The following ZNF804B variants were observed in gnomAD, a reference collection of about 807,000 sequenced individuals.
ZNF804B encodes zinc finger protein 804B.
In ZNF804B, 80 loss-of-function variants were observed where a neutral mutation model predicts 101.4. That is an observed-to-expected ratio of 0.79 (90% confidence interval 0.66 to 0.95). The LOEUF (loss-of-function observed/expected upper bound fraction) is 0.95, where lower values mean the gene tolerates loss of function less well. Among genes scored for constraint, ZNF804B ranks in the 40% least tolerant of loss-of-function variants. ZNF804B has a pLI of 0.00. For missense variants in ZNF804B, 1,673 were observed against 1,561.9 expected (o/e 1.07, Z -1.20); for synonymous variants, 622 against 558.8 (o/e 1.11, Z -1.59).
chr7:89,335,424 A>G lies in ZNF804B; in HGVS notation c.2442A>G (p.Gln814=). 2 of 1,613,880 alleles carry G rather than the reference A, an allele frequency of 1.2e-6. No homozygotes were observed. The highest frequency in any genetic ancestry group is 1.7e-6 in the Non-Finnish European group (2 of 1,179,932). Reference sequence around the variant, plus strand: ...AAAGACAAAAACTGGGCAAAAATCAACAACAATTTTCAGGGCTAAAATCTA... The same window carrying G: ...AAAGACAAAAACTGGGCAAAAATCAGCAACAATTTTCAGGGCTAAAATCTA... ...CRERQKLGKN[Q]QQFSGLKSTR... The change falls in exon 4 of 4, where the codon CAA becomes CAG. Residue 814 remains glutamine (Q), a synonymous_variant. Coordinates refer to ENST00000333190, the MANE Select transcript of ZNF804B (RefSeq NM_181646.5).
intron 1 of ZNF804B, among the ~76,000 whole-genome samples, chr7:89,118,920 A>G (rs1231838968): frequency 6.6e-6 from 1 of 152,204 alleles, no homozygotes; most frequent in Non-Finnish European, 1.5e-5. Context: ...GATGATGATG[A>G]CAAATCTGAC....
chr7:89,210,923 G>A (rs1301809679), intron 1 of ZNF804B, among the ~76,000 whole-genome samples: 3 of 152,210 alleles, frequency 2.0e-5, no homozygotes, highest in Non-Finnish European at 4.4e-5. Context: ...TTACTACACT[G>A]TTTTCCACAA....
intron 1 of ZNF804B, among the ~76,000 whole-genome samples, chr7:88,889,297 G>C (rs1468905517): frequency 6.6e-6 from 1 of 152,046 alleles, no homozygotes; most frequent in Admixed American, 6.6e-5. Flanking sequence ...TTTTGGGGGA[G>C]GGGTATATAT....
intron 1 of ZNF804B, among the ~76,000 whole-genome samples, chr7:89,060,211 G>A (rs1331694317): frequency 6.6e-6 from 1 of 152,056 alleles, no homozygotes; most frequent in Non-Finnish European, 1.5e-5. Flanking sequence ...CTGCTAATAA[G>A]TCCACTATAT....
At chr7:89,206,517 C>T (rs1047057160) in intron 1 of ZNF804B, among the ~76,000 whole-genome samples, 13 of 152,042 alleles carry the variant, frequency 8.6e-5, no homozygotes, top group Admixed American at 2.0e-4. Context: ...TTTGGGAGGC[C>T]GAGGAGAGTG....
intron 1 of ZNF804B, among the ~76,000 whole-genome samples, chr7:88,921,525 A>G (rs1792718959): frequency 6.6e-6 from 1 of 152,166 alleles, no homozygotes; most frequent in African/African-American, 2.4e-5. Context: ...ATAGGGAACC[A>G]TATTCCACAA....
At chr7:89,285,546 A>AAGAAG (rs1554389598) in intron 2 of ZNF804B, among the ~76,000 whole-genome samples, 1 of 93,420 alleles carries the variant, frequency 1.1e-5, no homozygotes, top group African/African-American at 5.0e-5. Flanking sequence ...AAAAAAAAAA[A>AAGAAG]AAGAAGAAGA....
chr7:88,778,082 T>A (rs778700211), intron 1 of ZNF804B, among the ~76,000 whole-genome samples: 10 of 152,174 alleles, frequency 6.6e-5, no homozygotes, highest in Non-Finnish European at 1.5e-4. Context: ...ATTCTGTGGG[T>A]CAGTGTCACT....
intron 2 of ZNF804B, among the ~76,000 whole-genome samples, chr7:89,278,179 C>T (rs1341727568): frequency 1.3e-5 from 2 of 151,956 alleles, no homozygotes; most frequent in African/African-American, 2.4e-5. Context: ...TATCCTTTGC[C>T]CACTTTTTGA....
chr7:88,872,482 ATTATAC>A (rs1342397869), intron 1 of ZNF804B, among the ~76,000 whole-genome samples: 2 of 151,966 alleles, frequency 1.3e-5, no homozygotes, highest in East Asian at 1.9e-4. Context: ...ATTTATTATT[ATTATAC>A]TTTAAGTTTT....
chr7:89,046,734 T>A (rs1416546633), intron 1 of ZNF804B, among the ~76,000 whole-genome samples: 1 of 152,126 alleles, frequency 6.6e-6, no homozygotes, highest in Non-Finnish European at 1.5e-5. Flanking sequence ...AAGTTTGAGA[T>A]AGTTACTCAT....
intron 1 of ZNF804B, among the ~76,000 whole-genome samples, chr7:88,843,824 G>T (rs1344958621): frequency 6.6e-6 from 1 of 152,088 alleles, no homozygotes; most frequent in African/African-American, 2.4e-5. Context: ...AATGGCAATT[G>T]TAATATTTTA....
chr7:89,233,064 G>C (rs1789222842), intron 2 of ZNF804B, among the ~76,000 whole-genome samples: 1 of 152,018 alleles, frequency 6.6e-6, no homozygotes, highest in South Asian at 2.1e-4. Flanking sequence ...TGGGACTACA[G>C]GCGCCCGCCA....
chr7:89,166,741 C>G (rs534290202), intron 1 of ZNF804B, among the ~76,000 whole-genome samples: 2 of 152,126 alleles, frequency 1.3e-5, no homozygotes, highest in Non-Finnish European at 2.9e-5. Context: ...GGAAAGATCA[C>G]TTTTTACTTC....
chr7:89,336,496 C>A lies in ZNF804B; in HGVS notation c.3514C>A (p.Gln1172Lys). 1.2e-6 allele frequency: 2 copies of A among 1,614,080 alleles called. No homozygotes were observed. The highest frequency in any genetic ancestry group is 8.5e-7 in the Non-Finnish European group (1 of 1,180,004). ...QLQAQQHMQK[Q>K]LLSKHLRVLP... Reference sequence around the variant, plus strand: ...ACAAGCCCAGCAGCATATGCAGAAGCAACTCCTATCAAAGCATCTTCGAGT... The same window carrying A: ...ACAAGCCCAGCAGCATATGCAGAAGAAACTCCTATCAAAGCATCTTCGAGT... Residue 1172 changes from glutamine to lysine, a missense_variant, in exon 4 of 4, where the codon CAA becomes AAA. Transcript: ENST00000333190.
rs1226318670 is a variant in ZNF804B, at chr7:89,337,547, G to C, written c.*515G>C. ...TGTAGTCTGTTACTGTATTTTCATA[G>C]GAAATAAGAACAAGACATTTTCTGA... On this transcript the variant is annotated 3_prime_UTR_variant, in exon 4 of 4. Coordinates refer to ENST00000333190, the MANE Select transcript of ZNF804B (RefSeq NM_181646.5). 6.6e-6 allele frequency among the ~76,000 whole-genome samples: 1 copy of C among 151,946 alleles called. No individual in the cohort carries two copies. The highest frequency in any genetic ancestry group is 1.5e-5 in the Non-Finnish European group (1 of 67,954).
At chr7:88,771,812 G>A (rs545587405) in intron 1 of ZNF804B, among the ~76,000 whole-genome samples, 1 of 152,198 alleles carries the variant, frequency 6.6e-6, no homozygotes, top group Non-Finnish European at 1.5e-5. Context: ...TTTTGCAAGT[G>A]GTTAGGAATG....
At chr7:88,809,304 CATCTATCTATCTATCT>C (rs58545685) in intron 1 of ZNF804B, among the ~76,000 whole-genome samples, 7,187 of 148,078 alleles carry the variant, frequency 0.049, 241 homozygotes, top group East Asian at 0.093. Context: ...TATTGCTTGT[CATCTATCTATCTATCT>C]ATCTATCTAT....
At position 88,854,418 on chromosome 7, in the gene ZNF804B, T is replaced by TCTTTCTTCCTTC. The variant is rs1491578190; in HGVS notation, c.108+94341_108+94342insCCTTCCTTTCTT. ...TTCTTTCTTTCTTTCTTTCTTCCTT[T>TCTTTCTTCCTTC]CTTTCTTTCTTTCTTTCTTTCTTTC... is the stretch of plus-strand genomic sequence containing the variant. On this transcript the variant is annotated intron_variant, in intron 1 of 3. Coordinates refer to ENST00000333190, the MANE Select transcript of ZNF804B (RefSeq NM_181646.5). Among the ~76,000 whole-genome samples, 70 of 85,238 alleles carry TCTTTCTTCCTTC rather than the reference T, an allele frequency of 8.2e-4. 1 individual carries two copies. Among genetic ancestry groups the TCTTTCTTCCTTC allele is most frequent in the African/African-American group, 2.9e-3 (66 of 22,924 alleles). 55.9% of individuals were successfully genotyped at this position (85,238 alleles called of 152,430 possible).
Sources: allele counts gnomAD v4.1 joint callset (sites outside exome capture counted in the v4.1 genomes callset), GRCh38; gene constraint gnomAD v4.1.1; transcripts MANE v1.5; gene names NCBI Gene and HGNC (gene_info 2026-07-23, HGNC 2026-07-21).